Variants in GPM6B observed in about 807,000 individuals in gnomAD.
GPM6B encodes the protein glycoprotein M6B.
GPM6B carries 4 observed loss-of-function variants against 27.2 expected under a neutral mutation model. The observed-to-expected ratio is 0.15, with a 90% CI of 0.07 to 0.34. The LOEUF (loss-of-function observed/expected upper bound fraction) is 0.34. GPM6B is among the 10% of genes least tolerant of loss of function. The pLI is 1.00. For missense variants in GPM6B, 183 were observed against 261.9 expected (o/e 0.70, Z 2.08); for synonymous variants, 124 against 103.1 (o/e 1.20, Z -1.23).
At chrX:13,838,825 T>C (rs1157117757) in intron 1 of GPM6B, among the ~76,000 whole-genome samples, 1 of 111,496 alleles carries the variant, frequency 9.0e-6, no homozygotes, top group African/African-American at 3.3e-5. Flanking sequence ...ATTGTCCCTC[T>C]CCCTCAGGCC....
intron 1 of GPM6B, among the ~76,000 whole-genome samples, chrX:13,872,281 C>T (rs138168989): frequency 0.012 from 1,244 of 107,126 alleles, 18 homozygotes; most frequent in African/African-American, 0.041. Context: ...ATGATCCTCC[C>T]ACCTTCAGCC....
At chrX:13,868,349 GAC>G (rs2049941338) in intron 1 of GPM6B, among the ~76,000 whole-genome samples, 1 of 111,754 alleles carries the variant, frequency 8.9e-6, no homozygotes, top group Non-Finnish European at 1.9e-5. Context: ...AAAGTAAGAT[GAC>G]AGAGTCTGTT....
chrX:13,895,480 G>T (rs1420248068), intron 1 of GPM6B, among the ~76,000 whole-genome samples: 5 of 111,019 alleles, frequency 4.5e-5, no homozygotes, highest in East Asian at 2.8e-4. Flanking sequence ...TCTGGGGAAA[G>T]AATTATATAG....
chrX:13,864,185 C>T (rs1442726142), intron 1 of GPM6B, among the ~76,000 whole-genome samples: 1 of 112,549 alleles, frequency 8.9e-6, no homozygotes, highest in Non-Finnish European at 1.9e-5. Flanking sequence ...CTGAAAGAAT[C>T]GATGCTGTCC....
chrX:13,909,743 A>G (rs185966380), intron 1 of GPM6B, among the ~76,000 whole-genome samples: 1 of 111,598 alleles, frequency 9.0e-6, no homozygotes, highest in Non-Finnish European at 1.9e-5. Context: ...GTTAAGGAAC[A>G]TGCTCCAGAT....
intron 1 of GPM6B, among the ~76,000 whole-genome samples, chrX:13,873,799 T>A (rs914354600): frequency 3.6e-5 from 4 of 112,135 alleles, no homozygotes; most frequent in African/African-American, 1.3e-4. Context: ...TTTTGCCTAA[T>A]GAATGATTAA....
chrX:13,931,357 G>A (rs1302456931), intron 1 of GPM6B, among the ~76,000 whole-genome samples: 9 of 109,378 alleles, frequency 8.2e-5, no homozygotes, highest in East Asian at 2.8e-4. Context: ...GCATGGTGGT[G>A]GGCGCCTGTA....
upstream of GPM6B, chrX:13,817,145 C>T: frequency 3.2e-6 from 3 of 938,073 alleles, no homozygotes; most frequent in South Asian, 5.3e-5. Flanking sequence ...CATACGTCAC[C>T]GAGGATCCCA....
At chrX:13,800,250 C>A (rs2048896960) in intron 2 of GPM6B, among the ~76,000 whole-genome samples, 1 of 111,855 alleles carries the variant, frequency 8.9e-6, no homozygotes, top group Admixed American at 9.5e-5. Flanking sequence ...CCCAAAGTAA[C>A]CAAGTCCTGC....
chrX:13,935,347 A>AAC lies in GPM6B; in HGVS notation c.-198+2979_-198+2980insGT, dbSNP rs1555934888. ...TACCCTATCTCTACAAAAAAAAAAA[A>AAC]AAAAAAAAAACTGTAAAGCTTAATC... On this transcript the variant is annotated intron_variant, in intron 1 of 6. Transcript: ENST00000398361. 2.9e-5 allele frequency among the ~76,000 whole-genome samples: 3 copies of AAC among 103,071 alleles called. No individual in the cohort carries two copies. In the South Asian group the frequency reaches 1.3e-3, roughly 44 times the overall value. The allele number at this position is 103,071 out of a possible 115,157, so 89.5% of individuals were successfully genotyped here. A position where few individuals can be genotyped will look rare whatever the true frequency, so the allele number is the denominator to read the frequency against.
chrX:13,906,413 T>C (rs965891306), intron 1 of GPM6B, among the ~76,000 whole-genome samples: 2 of 112,139 alleles, frequency 1.8e-5, no homozygotes, highest in Admixed American at 1.9e-4. Flanking sequence ...CATGTCCCTA[T>C]TGGGGGAAGG....
At chrX:13,803,814 G>A (rs773193651) in intron 2 of GPM6B, among the ~76,000 whole-genome samples, 1 of 111,317 alleles carries the variant, frequency 9.0e-6, no homozygotes, top group Admixed American at 9.5e-5. Context: ...ACCCCCTCAT[G>A]AGACAAGCAG....
At chrX:13,907,997 C>G (rs899236711) in intron 1 of GPM6B, among the ~76,000 whole-genome samples, 4 of 111,952 alleles carry the variant, frequency 3.6e-5, no homozygotes, top group African/African-American at 1.3e-4. Flanking sequence ...GTCAAAAGCA[C>G]AGCTATTTGA....
intron 2 of GPM6B, among the ~76,000 whole-genome samples, chrX:13,791,259 G>C (rs1220040966): frequency 9.1e-6 from 1 of 109,340 alleles, no homozygotes; most frequent in Non-Finnish European, 1.9e-5. Context: ...TGCCCAGGCT[G>C]GAGTGAGTGG....
intron 1 of GPM6B, among the ~76,000 whole-genome samples, chrX:13,848,332 G>T (rs1192603068): frequency 9.0e-6 from 1 of 111,320 alleles, no homozygotes; most frequent in East Asian, 2.8e-4. Flanking sequence ...GCCCCTACAG[G>T]TGTTTACCCT....
At position 13,786,720 on chromosome X, in the gene GPM6B, A is replaced by G. The variant is rs924504742; in HGVS notation, c.182-912T>C. 2.8e-4 allele frequency among the ~76,000 whole-genome samples: 31 copies of G among 111,580 alleles called. 1 individual carries two copies. Among genetic ancestry groups the G allele is most frequent in the African/African-American group, 8.5e-4 (26 of 30,680 alleles). On this transcript the variant is annotated intron_variant, in intron 2 of 7. Coordinates refer to ENST00000316715, the MANE Select transcript of GPM6B (RefSeq NM_001001995.3). The stretch of plus-strand genomic sequence containing the variant: ...ACATCCATGAAGTGGAATGAAGGAG[A>G]GACAGCCGTAAGTCACTCTTAATCT...
intron 1 of GPM6B, among the ~76,000 whole-genome samples, chrX:13,842,712 T>C (rs971970970): frequency 6.3e-5 from 7 of 110,537 alleles, no homozygotes; most frequent in Non-Finnish European, 1.1e-4. Flanking sequence ...GGCCCCCATG[T>C]CTACAAAAAA....
At chrX:13,809,199 A>G (rs2049079118) in intron 1 of GPM6B, among the ~76,000 whole-genome samples, 1 of 112,068 alleles carries the variant, frequency 8.9e-6, no homozygotes, top group Non-Finnish European at 1.9e-5. Context: ...CACTTGCCCA[A>G]GATCTTTCAG....
chrX:13,894,854 A>C (rs373364202), intron 1 of GPM6B, among the ~76,000 whole-genome samples: 15 of 112,075 alleles, frequency 1.3e-4, no homozygotes, highest in East Asian at 1.1e-3. Context: ...TAAAATGTGG[A>C]GGTTTATATA....
Sources: gnomAD v4.1 joint callset for allele counts (sites outside exome capture counted in the v4.1 genomes callset) on GRCh38, gnomAD v4.1.1 for gene constraint, MANE v1.5 for transcripts, NCBI Gene and HGNC (gene_info 2026-07-23, HGNC 2026-07-21) for gene names.